The following COQ3 variants were observed in gnomAD, a reference collection of about 807,000 sequenced individuals.
COQ3 encodes ubiquinone biosynthesis O-methyltransferase, mitochondrial.
In COQ3, 29 loss-of-function variants were observed where a neutral mutation model predicts 33.1. The observed-to-expected ratio is 0.88, with a 90% CI of 0.65 to 1.19. COQ3 has a LOEUF of 1.19. Ranked by LOEUF, COQ3 falls within the 50% of genes most tolerant of loss-of-function variation. The pLI, the probability that COQ3 is intolerant of heterozygous loss-of-function variation, is 0.00. For missense variants in COQ3, 437 were observed against 430.7 expected (o/e 1.01, Z -0.13); for synonymous variants, 173 against 157.8 (o/e 1.10, Z -0.72).
chr6:99,377,506 C>A (rs993389194), intron 3 of COQ3, 21 bp from the exon 4 acceptor site: 1 of 1,518,352 alleles, frequency 6.6e-7, no homozygotes, highest in Admixed American at 1.8e-5. Flanking sequence ...AAATTCAAAA[C>A]ATACCAAAAC....
chr6:99,378,158 TTAGAGAGAGAG>T (rs1562204659), intron 3 of COQ3, among the ~76,000 whole-genome samples: 19 of 81,286 alleles, frequency 2.3e-4, no homozygotes, highest in Non-Finnish European at 4.0e-4. Context: ...ATATATATAT[TTAGAGAGAGAG>T]AGAGAGAGAG....
chr6:99,381,910 A>G (rs529673949), intron 2 of COQ3, among the ~76,000 whole-genome samples: 1 of 146,166 alleles, frequency 6.8e-6, no homozygotes, highest in South Asian at 2.2e-4. Context: ...TGGGTGAAAG[A>G]GCAAGACTCT....
chr6:99,385,160 T>C (rs997361892), intron 1 of COQ3, among the ~76,000 whole-genome samples: 1 of 151,946 alleles, frequency 6.6e-6, no homozygotes, highest in African/African-American at 2.4e-5. Context: ...ACATAAAGAC[T>C]CACAGAAATG....
intron 5 of COQ3, among the ~76,000 whole-genome samples, chr6:99,375,355 T>C (rs1774253441): frequency 1.3e-5 from 2 of 151,944 alleles, no homozygotes; most frequent in Admixed American, 6.6e-5. Flanking sequence ...TATAAGTGTA[T>C]GGTTTTCCCG....
Position 99,376,194 on chromosome 6 carries a change from A to G in COQ3, c.487-12T>C. 1 of 1,609,784 alleles carries G rather than the reference A, an allele frequency of 6.2e-7. No individual in the cohort carries two copies. Among genetic ancestry groups the G allele is most frequent in the Non-Finnish European group, 8.5e-7 (1 of 1,178,264 alleles). ...AGCCGCCCTAGAGGCTAATGGCATT[A>G]AAAAAACTGTTACCCTCAGGAAGAA... is the stretch of plus-strand genomic sequence containing the variant. On this transcript the variant is annotated splice_polypyrimidine_tract_variant and intron_variant, in intron 4 of 6. Coordinates refer to ENST00000254759, the MANE Select transcript of COQ3 (RefSeq NM_017421.4).
chr6:99,370,344 CTTTTTT>C, intron 6 of COQ3, among the ~76,000 whole-genome samples: 1 of 101,252 alleles, frequency 9.9e-6, no homozygotes. Context: ...CTTTTCTTTA[CTTTTTT>C]TTTTTTTTTT....
At chr6:99,392,650 G>C (rs1232745023) in intron 1 of COQ3, among the ~76,000 whole-genome samples, 4 of 148,620 alleles carry the variant, frequency 2.7e-5, no homozygotes, top group Non-Finnish European at 5.9e-5. Flanking sequence ...TTTTGAGACA[G>C]AGTCTCACTC....
At chr6:99,391,738 C>T (rs1370307827) in intron 1 of COQ3, among the ~76,000 whole-genome samples, 5 of 152,162 alleles carry the variant, frequency 3.3e-5, no homozygotes, top group Non-Finnish European at 7.3e-5. Flanking sequence ...TGGCTCAATG[C>T]CTGTAATCCC....
At chr6:99,378,895 A>G (rs957482375) in intron 3 of COQ3, among the ~76,000 whole-genome samples, 1 of 152,084 alleles carries the variant, frequency 6.6e-6, no homozygotes, top group African/African-American at 2.4e-5. Flanking sequence ...GCTTTGCCCA[A>G]AATTGTTTGA....
Position 99,371,522 on chromosome 6 carries a change from A to G in COQ3, c.795T>C (p.Val265=). The G allele has an allele frequency of 6.2e-7, 1 of 1,608,366 alleles. No homozygotes were observed. Among genetic ancestry groups the G allele is most frequent in the South Asian group, 1.1e-5 (1 of 90,108 alleles). Residue 265 remains valine (V), a synonymous_variant, in exon 6 of 7, where the codon GTT becomes GTC. Transcript: ENST00000254759. ...KTQLSYALGI[V]FSEQIASIVP... ...CAATACTTGCAATTTGCTCTGAAAA[A>G]ACAATTCCCAAGGCATAGGAAAGTT...
chr6:99,378,497 A>G (rs1195960296), intron 3 of COQ3, among the ~76,000 whole-genome samples: 3 of 152,116 alleles, frequency 2.0e-5, no homozygotes, highest in Non-Finnish European at 4.4e-5. Flanking sequence ...GCCCTGGGTT[A>G]TTATGTGTGA....
chr6:99,378,968 T>C (rs1383232041), intron 3 of COQ3, among the ~76,000 whole-genome samples: 1 of 151,334 alleles, frequency 6.6e-6, no homozygotes, highest in Non-Finnish European at 1.5e-5. Flanking sequence ...TTTTTACATT[T>C]TGCTTGTAGC....
intron 1 of COQ3, among the ~76,000 whole-genome samples, chr6:99,393,787 G>C (rs1224611800): frequency 6.6e-6 from 1 of 152,230 alleles, no homozygotes; most frequent in Non-Finnish European, 1.5e-5. Context: ...TGCAGCACAC[G>C]CAGAGCGGGT....
intron 1 of COQ3, among the ~76,000 whole-genome samples, chr6:99,384,068 T>G (rs1370893154): frequency 1.3e-5 from 2 of 151,966 alleles, no homozygotes; most frequent in East Asian, 3.9e-4. Context: ...GCCCAGCTCA[T>G]TTTTGTTGTT....
In COQ3 at chr6:99,392,783, G is replaced by A. The variant is rs1336889408; in HGVS notation, c.106+1291C>T. On this transcript the variant is annotated intron_variant, in intron 1 of 6. Transcript: ENST00000254759. ...TGGGATTACAGGCGCCTGCCGCCAC[G>A]CCCAGCTAATTTTGTATTTTTAGTA... Among the ~76,000 whole-genome samples the A allele has an allele frequency of 2.0e-5, 3 of 151,918 alleles. No homozygotes were observed. In the East Asian group the frequency reaches 5.8e-4, roughly 29 times the overall value.
At chr6:99,388,602 C>T (rs1294053143) in intron 1 of COQ3, among the ~76,000 whole-genome samples, 1 of 151,902 alleles carries the variant, frequency 6.6e-6, no homozygotes, top group African/African-American at 2.4e-5. Flanking sequence ...AATCCCAGCA[C>T]TTTGGGAGAT....
At chr6:99,388,924 CACACACA>C (rs1562210380) in intron 1 of COQ3, among the ~76,000 whole-genome samples, 39 of 137,086 alleles carry the variant, frequency 2.8e-4, no homozygotes, top group African/African-American at 5.0e-4. Flanking sequence ...CACACACACA[CACACACA>C]CACCCACATC....
At chr6:99,376,645 T>G (rs1303504930) in intron 4 of COQ3, among the ~76,000 whole-genome samples, 1 of 152,230 alleles carries the variant, frequency 6.6e-6, no homozygotes, top group Non-Finnish European at 1.5e-5. Context: ...AGCTTTTTTA[T>G]TTAGTCATTT....
At chr6:99,375,495 T>C (rs1168250986) in intron 5 of COQ3, among the ~76,000 whole-genome samples, 1 of 151,984 alleles carries the variant, frequency 6.6e-6, no homozygotes, top group Non-Finnish European at 1.5e-5. Flanking sequence ...GCAATTCTTG[T>C]ACCTCAGTCT....
Sources: allele counts gnomAD v4.1 joint callset (sites outside exome capture counted in the v4.1 genomes callset), GRCh38; gene constraint gnomAD v4.1.1; transcripts MANE v1.5; gene names NCBI Gene and HGNC (gene_info 2026-07-23, HGNC 2026-07-21).